Variants in GPC6 observed in about 807,000 individuals in gnomAD.
The protein encoded by GPC6 is glypican 6.
In GPC6, 14 loss-of-function variants were observed where a neutral mutation model predicts 55.2. The ratio of observed to expected loss-of-function variants is 0.25; its 90% CI spans 0.17 to 0.40. GPC6 has a LOEUF of 0.40. Ranked by LOEUF, GPC6 falls within the 10% of genes least tolerant of loss-of-function variation. The probability of loss-of-function intolerance (pLI) is 1.00; values close to 1 mark genes in which losing one functional copy is unlikely to be tolerated. For synonymous variants in GPC6, 278 were observed against 259.6 expected (o/e 1.07, Z -0.68); for missense variants, 641 against 708.5 (o/e 0.90, Z 1.08).
intron 2 of GPC6, among the ~76,000 whole-genome samples, chr13:93,549,931 T>C (rs912043080): frequency 3.3e-5 from 5 of 152,172 alleles, no homozygotes; most frequent in African/African-American, 9.7e-5. Context: ...ATATAGGAAG[T>C]CAATACTTGG....
intron 3 of GPC6, among the ~76,000 whole-genome samples, chr13:93,977,130 C>T (rs1013086824): frequency 2.0e-5 from 3 of 152,024 alleles, no homozygotes; most frequent in Non-Finnish European, 4.4e-5. Flanking sequence ...GCTCAGGGTT[C>T]AAATTGTTTT....
At chr13:93,267,274 A>T (rs1877354970) in intron 1 of GPC6, among the ~76,000 whole-genome samples, 1 of 152,142 alleles carries the variant, frequency 6.6e-6, no homozygotes, top group African/African-American at 2.4e-5. Flanking sequence ...TCTTAAATGA[A>T]AATTTAAGAT....
intron 2 of GPC6, among the ~76,000 whole-genome samples, chr13:93,620,788 G>A (rs534517698): frequency 6.6e-6 from 1 of 152,250 alleles, no homozygotes; most frequent in East Asian, 1.9e-4. Flanking sequence ...GTGTGGGTTA[G>A]TATCTGTTTC....
At chr13:93,966,724 C>A (rs772594187) in intron 3 of GPC6, among the ~76,000 whole-genome samples, 3 of 137,946 alleles carry the variant, frequency 2.2e-5, no homozygotes, top group Non-Finnish European at 4.5e-5. Flanking sequence ...GATCATGGCT[C>A]ATTGCAGCCT....
chr13:94,172,289 G>A (rs1888597559), intron 4 of GPC6, among the ~76,000 whole-genome samples: 1 of 152,032 alleles, frequency 6.6e-6, no homozygotes, highest in Non-Finnish European at 1.5e-5. Context: ...GGTGAGAAGG[G>A]AGATGATTTG....
chr13:93,725,188 C>A (rs1301260690), intron 2 of GPC6, among the ~76,000 whole-genome samples: 2 of 151,816 alleles, frequency 1.3e-5, no homozygotes, highest in Non-Finnish European at 2.9e-5. Flanking sequence ...TGAGCAAAAT[C>A]AAATAATATT....
chr13:93,324,674 T>TA (rs1402851518), intron 1 of GPC6, among the ~76,000 whole-genome samples: 1 of 147,086 alleles, frequency 6.8e-6, no homozygotes, highest in African/African-American at 2.5e-5. Context: ...AAATTAAAAA[T>TA]AAAAATTTTT....
intron 2 of GPC6, among the ~76,000 whole-genome samples, chr13:93,612,726 A>G (rs1878537463): frequency 6.6e-6 from 1 of 152,240 alleles, no homozygotes; most frequent in Admixed American, 6.5e-5. Context: ...GAAAGAAAAA[A>G]TAATTTCAGA....
intron 2 of GPC6, among the ~76,000 whole-genome samples, chr13:93,574,737 C>A (rs1200787025): frequency 6.6e-6 from 1 of 152,158 alleles, no homozygotes; most frequent in Non-Finnish European, 1.5e-5. Flanking sequence ...CCATTATACT[C>A]CACTGCTATC....
intron 4 of GPC6, among the ~76,000 whole-genome samples, chr13:94,040,874 C>A (rs1883506656): frequency 6.6e-6 from 1 of 151,894 alleles, no homozygotes; most frequent in South Asian, 2.1e-4. Context: ...CGTGTCCTTA[C>A]TACATTTCCT....
At chr13:93,229,900 T>C (rs1287882474) in intron 1 of GPC6, among the ~76,000 whole-genome samples, 3 of 152,194 alleles carry the variant, frequency 2.0e-5, no homozygotes, top group Non-Finnish European at 2.9e-5. Context: ...ATACTTGTTT[T>C]TTCAAAATCA....
At chr13:93,336,588 T>A (rs1279006181) in intron 1 of GPC6, among the ~76,000 whole-genome samples, 1 of 152,216 alleles carries the variant, frequency 6.6e-6, no homozygotes, top group Non-Finnish European at 1.5e-5. Context: ...CCTCAATTTG[T>A]AGGAAGCGTT....
intron 6 of GPC6, among the ~76,000 whole-genome samples, chr13:94,351,043 G>A (rs757551378): frequency 6.6e-6 from 1 of 152,114 alleles, no homozygotes; most frequent in Admixed American, 6.5e-5. Context: ...GGAAGGGGAA[G>A]ATTTTAGATG....
rs1351317979 is a variant in GPC6, at chr13:94,406,815, T to C, written c.*3598T>C. 4.6e-5 allele frequency: 7 copies of C among 152,166 alleles called. No individual in the cohort carries two copies. The highest frequency in any genetic ancestry group is 1.0e-4 in the Non-Finnish European group (7 of 67,988). The allele number at this position is 152,166 out of a possible 1,614,324, so 9.4% of individuals were successfully genotyped here. A position where few individuals can be genotyped will look rare whatever the true frequency, so the allele number is the denominator to read the frequency against. On this transcript the variant is annotated 3_prime_UTR_variant, in exon 9 of 9. Coordinates refer to ENST00000377047, the MANE Select transcript of GPC6 (RefSeq NM_005708.5). ...TTACTTCTTTTTGCAAAGCTAATTA[T>C]CAAATGATTTGATTAAACCTAGACG...
chr13:93,283,355 G>A (rs1175668094), intron 1 of GPC6, among the ~76,000 whole-genome samples: 5 of 152,166 alleles, frequency 3.3e-5, no homozygotes, highest in Admixed American at 3.3e-4. Context: ...TTAAGGTAAG[G>A]TCGCATAGGA....
At chr13:93,683,084 ATGTAACTCTGAAAAATAACATT>A in intron 2 of GPC6, among the ~76,000 whole-genome samples, 2 of 152,058 alleles carry the variant, frequency 1.3e-5, no homozygotes, top group South Asian at 4.1e-4. Context: ...CTTAATTTCC[ATGTAACTCTGAAAAATAACATT>A]TATCATTATT....
chr13:93,644,756 G>C (rs1345249647), intron 2 of GPC6, among the ~76,000 whole-genome samples: 1 of 139,238 alleles, frequency 7.2e-6, no homozygotes, highest in East Asian at 2.1e-4. Flanking sequence ...GATTACTGTT[G>C]CCATCAAGAG....
intron 4 of GPC6, among the ~76,000 whole-genome samples, chr13:94,146,465 CA>C (rs1399189794): frequency 6.6e-6 from 1 of 152,178 alleles, no homozygotes; most frequent in Non-Finnish European, 1.5e-5. Context: ...GGGACTATGG[CA>C]AAATTGAACT....
chr13:93,867,726 T>C (rs1889012450), intron 3 of GPC6, among the ~76,000 whole-genome samples: 1 of 151,752 alleles, frequency 6.6e-6, no homozygotes, highest in South Asian at 2.1e-4. Context: ...TAACTCTGAG[T>C]CCTTTTCATC....
Sources: allele counts gnomAD v4.1 joint callset (sites outside exome capture counted in the v4.1 genomes callset), GRCh38; gene constraint gnomAD v4.1.1; transcripts MANE v1.5; gene names NCBI Gene and HGNC (gene_info 2026-07-23, HGNC 2026-07-21).